Variants in ME2 observed in about 807,000 individuals in gnomAD.
ME2 encodes NAD-dependent malic enzyme, mitochondrial.
ME2 carries 60 observed loss-of-function variants against 73.7 expected under a neutral mutation model. That is an observed-to-expected ratio of 0.81 (90% confidence interval 0.66 to 1.01). ME2 has a LOEUF of 1.01. Ranked by LOEUF, ME2 falls within the 50% of genes least tolerant of loss-of-function variation. The pLI is 0.00. For synonymous variants in ME2, 199 were observed against 236.9 expected (o/e 0.84, Z 1.47); for missense variants, 594 against 705.5 (o/e 0.84, Z 1.79).
At position 50,917,691 on chromosome 18, in the gene ME2, T is replaced by G. The variant is rs58738579; in HGVS notation, c.630+183T>G. ...ATTAAGTCTATTAAAAGTTTCTTGG[T>G]CCGGGCATGGTGGCTCATACCTGTA... On this transcript the variant is annotated intron_variant, in intron 6 of 15. Coordinates refer to ENST00000321341, the MANE Select transcript of ME2 (RefSeq NM_002396.5). 4.8e-3 allele frequency among the ~76,000 whole-genome samples: 725 copies of G among 152,088 alleles called. 9 individuals are homozygous for G. The East Asian group carries it at 0.064, about 13-fold the overall frequency.
At position 50,904,532 on chromosome 18, in the gene ME2, C is replaced by T. The variant is rs12963517; in HGVS notation, c.109-3531C>T. Among the ~76,000 whole-genome samples the T allele has an allele frequency of 3.3e-3, 507 of 152,198 alleles. 2 individuals carry two copies. Among genetic ancestry groups the T allele is most frequent in the Admixed American group, 9.5e-3 (145 of 15,286 alleles). On this transcript the variant is annotated intron_variant, in intron 2 of 15. Transcript: ENST00000321341. ...ACTCCTGACCTTGTGATCCGCCTGC[C>T]TCCGCCTCCCACAGTGTTGGGATTA... is the stretch of plus-strand genomic sequence containing the variant.
At chr18:50,944,177 G>A (rs1197075953) in intron 15 of ME2, among the ~76,000 whole-genome samples, 3 of 152,170 alleles carry the variant, frequency 2.0e-5, no homozygotes, top group Non-Finnish European at 4.4e-5. Flanking sequence ...TCATACCACT[G>A]CACTCCAGTG....
intron 3 of ME2, among the ~76,000 whole-genome samples, chr18:50,910,261 G>A (rs1220791387): frequency 4.0e-5 from 2 of 49,980 alleles, no homozygotes; most frequent in Non-Finnish European, 7.3e-5. Flanking sequence ...GTGGGACCCT[G>A]TTTCTACAAA....
chr18:50,901,585 T>C (rs1916891319), intron 2 of ME2, among the ~76,000 whole-genome samples: 1 of 152,234 alleles, frequency 6.6e-6, no homozygotes, highest in Admixed American at 6.5e-5. Context: ...TACACTGTAA[T>C]AATGCTTCCA....
intron 13 of ME2, chr18:50,932,589 T>C (rs1429497013): frequency 1.5e-5 from 5 of 338,134 alleles, no homozygotes; most frequent in Non-Finnish European, 2.7e-5. Flanking sequence ...ATATATTGCA[T>C]GATTTGTAAA....
intron 1 of ME2, 21 bp from the exon 2 acceptor site, chr18:50,895,788 T>C (rs1319876750): frequency 6.7e-7 from 1 of 1,497,162 alleles, no homozygotes; most frequent in South Asian, 1.1e-5. Context: ...TTCAGTGGTT[T>C]ATTTGCTTTG....
Position 50,950,885 on chromosome 18 carries a change from G to A in ME2, c.*3701G>A, listed in dbSNP as rs1236268239. ...GCATTGCTCCAGGATACTGCATGTA[G>A]TGAGCAGTTCTTTAGCGTTTATGTG... On this transcript the variant is annotated 3_prime_UTR_variant, in exon 16 of 16. Coordinates refer to ENST00000321341, the MANE Select transcript of ME2 (RefSeq NM_002396.5). 2 of 152,194 alleles carry A rather than the reference G, an allele frequency of 1.3e-5. No individual in the cohort carries two copies. Among genetic ancestry groups the A allele is most frequent in the African/African-American group, 4.8e-5 (2 of 41,434 alleles). 9.4% of individuals were successfully genotyped at this position (152,194 alleles called of 1,614,324 possible). A position where few individuals can be genotyped will look rare whatever the true frequency, so the allele number is the denominator to read the frequency against.
intron 3 of ME2, among the ~76,000 whole-genome samples, chr18:50,909,782 T>G (rs1251547114): frequency 6.6e-6 from 1 of 152,074 alleles, no homozygotes. Flanking sequence ...TGGAAGAAAA[T>G]TTAATGTTTC....
chr18:50,900,983 A>G (rs1297805738), intron 2 of ME2, among the ~76,000 whole-genome samples: 2 of 152,236 alleles, frequency 1.3e-5, no homozygotes, highest in African/African-American at 2.4e-5. Context: ...TACAATGAGT[A>G]TATTTTATTT....
intron 3 of ME2, among the ~76,000 whole-genome samples, chr18:50,910,268 CAAAAAAAAAAAA>C (rs74176794): frequency 2.8e-5 from 1 of 35,290 alleles, no homozygotes; most frequent in African/African-American, 1.2e-4. Flanking sequence ...CCTGTTTCTA[CAAAAAAAAAAAA>C]AAAAAAAAAA....
At chr18:50,946,687 G>C (rs1918091003) in intron 15 of ME2, among the ~76,000 whole-genome samples, 1 of 152,102 alleles carries the variant, frequency 6.6e-6, no homozygotes. Context: ...TTTTCTTCCT[G>C]GTCAAGTTGG....
chr18:50,922,630 TG>T (rs1296192449), intron 10 of ME2, among the ~76,000 whole-genome samples: 1 of 152,244 alleles, frequency 6.6e-6, no homozygotes, highest in Non-Finnish European at 1.5e-5. Context: ...AACACAGTAT[TG>T]GTAGCTACAA....
intron 2 of ME2, among the ~76,000 whole-genome samples, chr18:50,902,331 A>G (rs1916910299): frequency 6.6e-6 from 1 of 152,130 alleles, no homozygotes; most frequent in Non-Finnish European, 1.5e-5. Context: ...TAAATTTAGA[A>G]TTTTCTTCTG....
At chr18:50,931,602 C>T (rs1314253945) in intron 12 of ME2, among the ~76,000 whole-genome samples, 1 of 151,760 alleles carries the variant, frequency 6.6e-6, no homozygotes. Flanking sequence ...CTTCATTCAT[C>T]AGTGTTTATA....
At chr18:50,915,170 A>T (rs542473248) in intron 4 of ME2, among the ~76,000 whole-genome samples, 1 of 152,184 alleles carries the variant, frequency 6.6e-6, no homozygotes, top group South Asian at 2.1e-4. Context: ...TTATTGTAAG[A>T]ATACAGTATA....
chr18:50,921,500 T>C lies in ME2; in HGVS notation c.1056+313T>C, dbSNP rs145363970. Among the ~76,000 whole-genome samples, 374 of 152,346 alleles carry C rather than the reference T, an allele frequency of 2.5e-3. 2 individuals are homozygous for C. Among genetic ancestry groups the C allele is most frequent in the African/African-American group, 8.7e-3 (361 of 41,590 alleles). ...GACACTCCTAAAACTAGGTTTTTAG[T>C]AGGAACTGAGAACTTCCTAATTAAA... On this transcript the variant is annotated intron_variant, in intron 10 of 15. Transcript: ENST00000321341.
At chr18:50,927,751 T>TATATATATATATACAC in intron 12 of ME2, among the ~76,000 whole-genome samples, 1 of 123,292 alleles carries the variant, frequency 8.1e-6, no homozygotes, top group East Asian at 2.4e-4. Flanking sequence ...TATATATATA[T>TATATATATATATACAC]ACACACCACA....
rs1314103832 is a variant in ME2 at position 50,954,144 on chromosome 18, A to G, written c.*6960A>G. ...AGATTGACTTGTTAAAAATGGTTCC[A>G]AGAATCAGTCTAAAAACTTCAGAAT... On this transcript the variant is annotated 3_prime_UTR_variant, in exon 16 of 16. Coordinates refer to ENST00000321341, the MANE Select transcript of ME2 (RefSeq NM_002396.5). 1 of 152,244 alleles carries G rather than the reference A, an allele frequency of 6.6e-6. No individual in the cohort carries two copies. Among genetic ancestry groups the G allele is most frequent in the African/African-American group, 2.4e-5 (1 of 41,462 alleles). 9.4% of individuals were successfully genotyped at this position (152,244 alleles called of 1,614,324 possible).
At chr18:50,926,982 T>C (rs1917567863) in intron 12 of ME2, among the ~76,000 whole-genome samples, 1 of 152,236 alleles carries the variant, frequency 6.6e-6, no homozygotes. Context: ...TGTTTGTCTT[T>C]TCTAAGGCTG....
Sources: gnomAD v4.1 joint callset for allele counts (sites outside exome capture counted in the v4.1 genomes callset) on GRCh38, gnomAD v4.1.1 for gene constraint, MANE v1.5 for transcripts, NCBI Gene and HGNC (gene_info 2026-07-23, HGNC 2026-07-21) for gene names.